Variants in TNNI3K observed in about 807,000 individuals in gnomAD.
TNNI3K encodes TNNI3 interacting kinase, also known as serine/threonine-protein kinase TNNI3K.
In TNNI3K, 140 loss-of-function variants were observed where a neutral mutation model predicts 114.5. That is an observed-to-expected ratio of 1.22 (90% confidence interval 1.07 to 1.41). TNNI3K has a LOEUF of 1.41. Among genes scored for constraint, TNNI3K ranks in the 40% most tolerant of loss-of-function variants. TNNI3K has a pLI of 0.00. For missense variants in TNNI3K, 1,125 were observed against 1,007.6 expected (o/e 1.12, Z -1.58); for synonymous variants, 347 against 347.5 (o/e 1.00, Z 0.02).
chr1:74,398,715 G>A (rs537405987), intron 17 of TNNI3K, among the ~76,000 whole-genome samples: 10 of 152,224 alleles, frequency 6.6e-5, no homozygotes, highest in East Asian at 1.9e-4. Context: ...TGATTCAGAC[G>A]ATGGGAGCCA....
chr1:74,252,949 A>G (rs1655034164), intron 4 of TNNI3K, among the ~76,000 whole-genome samples: 1 of 152,086 alleles, frequency 6.6e-6, no homozygotes, highest in South Asian at 2.1e-4. Context: ...TCTGGCCCCC[A>G]CCCACATCCT....
chr1:74,401,005 A>G (rs1033231769), intron 17 of TNNI3K, among the ~76,000 whole-genome samples: 3 of 152,212 alleles, frequency 2.0e-5, no homozygotes, highest in Non-Finnish European at 4.4e-5. Context: ...TGTCAAGAAT[A>G]TTGGAAAGTT....
intron 21 of TNNI3K, chr1:74,475,178 A>G: frequency 1.7e-6 from 1 of 574,232 alleles, no homozygotes; most frequent in South Asian, 2.5e-5. Context: ...GAAAAGGAAT[A>G]GACTAGTGCT....
intron 20 of TNNI3K, among the ~76,000 whole-genome samples, chr1:74,460,112 G>C (rs527915398): frequency 6.8e-6 from 1 of 147,406 alleles, no homozygotes; most frequent in Admixed American, 6.8e-5. Context: ...GTCTTGCTCT[G>C]TCGCCCAGGC....
At chr1:74,252,864 A>T (rs1399814307) in intron 4 of TNNI3K, among the ~76,000 whole-genome samples, 1 of 152,156 alleles carries the variant, frequency 6.6e-6, no homozygotes, top group African/African-American at 2.4e-5. Flanking sequence ...GCTGAACAAC[A>T]AAGCTTCCAA....
chr1:74,411,493 C>T (rs1398351316), intron 17 of TNNI3K, among the ~76,000 whole-genome samples: 6 of 152,066 alleles, frequency 3.9e-5, no homozygotes, highest in Non-Finnish European at 5.9e-5. Flanking sequence ...ATTTGGTGTA[C>T]ATTGAAGAAG....
At chr1:74,533,017 T>C (rs894777950) in intron 23 of TNNI3K, among the ~76,000 whole-genome samples, 2 of 152,172 alleles carry the variant, frequency 1.3e-5, no homozygotes, top group African/African-American at 4.8e-5. Context: ...AAGGACTTCA[T>C]GTCCAAAACA....
At chr1:74,278,727 A>G (rs944163539) in intron 5 of TNNI3K, among the ~76,000 whole-genome samples, 1 of 152,164 alleles carries the variant, frequency 6.6e-6, no homozygotes, top group African/African-American at 2.4e-5. Flanking sequence ...TTGTCACCCA[A>G]AAAGGAAACT....
chr1:74,480,896 G>C (rs1288759278), intron 21 of TNNI3K: 1 of 717,412 alleles, frequency 1.4e-6, no homozygotes, highest in Non-Finnish European at 2.6e-6. Context: ...AAACAAGAGA[G>C]ACAGGTTTGT....
Position 74,391,957 on chromosome 1 carries a change from A to ATTATTTTTTTTT in TNNI3K, c.1772+21567_1772+21568insATTTTTTTTTTT, listed in dbSNP as rs1369570973. Among the ~76,000 whole-genome samples, 46 of 93,036 alleles carry ATTATTTTTTTTT rather than the reference A, an allele frequency of 4.9e-4. 2 individuals carry two copies. The highest frequency in any genetic ancestry group is 5.2e-4 in the Non-Finnish European group (24 of 45,758). 61.0% of individuals were successfully genotyped at this position (93,036 alleles called of 152,430 possible). On this transcript the variant is annotated intron_variant, in intron 17 of 24. Transcript: ENST00000326637. ...TTGATTTAGGATGGTACAGCTTATT[A>ATTATTTTTTTTT]TTTTTTTTTTTTTTTTTTTTTTTTT...
At chr1:74,294,189 T>C (rs1243688693) in intron 5 of TNNI3K, among the ~76,000 whole-genome samples, 1 of 151,904 alleles carries the variant, frequency 6.6e-6, no homozygotes, top group Non-Finnish European at 1.5e-5. Flanking sequence ...TTTGCAACTG[T>C]ATTTGAAAGA....
chr1:74,388,114 C>G (rs990930487), intron 17 of TNNI3K, among the ~76,000 whole-genome samples: 14 of 152,058 alleles, frequency 9.2e-5, no homozygotes, highest in African/African-American at 3.4e-4. Flanking sequence ...CCCATCTCTA[C>G]TAGAAACACA....
chr1:74,462,641 A>AC (rs1224877312), intron 20 of TNNI3K, among the ~76,000 whole-genome samples: 1 of 152,236 alleles, frequency 6.6e-6, no homozygotes. Context: ...GTAGTTATCT[A>AC]CCATGATGCC....
At chr1:74,334,907 A>C (rs553369945) in intron 6 of TNNI3K, among the ~76,000 whole-genome samples, 63 of 152,220 alleles carry the variant, frequency 4.1e-4, no homozygotes, top group Non-Finnish European at 8.4e-4. Context: ...ACATTATGAA[A>C]TTGACAAGAG....
At chr1:74,321,451 G>T (rs906808397) in intron 5 of TNNI3K, among the ~76,000 whole-genome samples, 1 of 151,850 alleles carries the variant, frequency 6.6e-6, no homozygotes, top group African/African-American at 2.4e-5. Flanking sequence ...GATGTTACTT[G>T]CTAGTTTCAA....
chr1:74,362,419 C>T (rs900838523), intron 11 of TNNI3K, among the ~76,000 whole-genome samples: 2 of 152,014 alleles, frequency 1.3e-5, no homozygotes, highest in Non-Finnish European at 2.9e-5. Flanking sequence ...GCCGTGAACC[C>T]AAAGGGTCTC....
At chr1:74,253,809 G>A (rs574055582) in intron 4 of TNNI3K, among the ~76,000 whole-genome samples, 19 of 152,278 alleles carry the variant, frequency 1.2e-4, no homozygotes, top group South Asian at 4.1e-4. Flanking sequence ...GTGCAGCAGC[G>A]GGCTGAAGGG....
chr1:74,253,307 A>T (rs56394308), intron 4 of TNNI3K, among the ~76,000 whole-genome samples: 11,291 of 152,200 alleles, frequency 0.074, 520 homozygotes, highest in African/African-American at 0.13. Flanking sequence ...CCGCAGGTGG[A>T]GCTGCCTGCC....
intron 17 of TNNI3K, among the ~76,000 whole-genome samples, chr1:74,384,469 G>A (rs1245730134): frequency 6.6e-6 from 1 of 152,118 alleles, no homozygotes; most frequent in East Asian, 1.9e-4. Context: ...ACAACCTCCT[G>A]AAATTTTAGT....
Sources: allele counts gnomAD v4.1 joint callset (sites outside exome capture counted in the v4.1 genomes callset), GRCh38; gene constraint gnomAD v4.1.1; transcripts MANE v1.5; gene names NCBI Gene and HGNC (gene_info 2026-07-23, HGNC 2026-07-21).